MCC: variants seen among roughly 807,000 people sequenced by gnomAD.
The protein encoded by MCC is colorectal mutant cancer protein.
In MCC, 90 loss-of-function variants were observed where a neutral mutation model predicts 116.2. The observed-to-expected ratio is 0.77, with a 90% CI of 0.65 to 0.92. The LOEUF (loss-of-function observed/expected upper bound fraction) is 0.92, where lower values mean the gene tolerates loss of function less well. MCC is among the 40% of genes least tolerant of loss of function. MCC has a pLI of 0.00. For missense variants in MCC, 1,516 were observed against 1,312.2 expected (o/e 1.16, Z -2.40); for synonymous variants, 578 against 510.5 (o/e 1.13, Z -1.78).
chr5:113,338,687 G>T (rs778543955), intron 3 of MCC, among the ~76,000 whole-genome samples: 15 of 152,206 alleles, frequency 9.9e-5, no homozygotes, highest in Non-Finnish European at 2.1e-4. Flanking sequence ...TACAGAGGAG[G>T]GTTCAACTTG....
intron 5 of MCC, among the ~76,000 whole-genome samples, chr5:113,127,943 T>C (rs1422891406): frequency 6.6e-6 from 1 of 152,232 alleles, no homozygotes; most frequent in Non-Finnish European, 1.5e-5. Flanking sequence ...TGAAATTGCC[T>C]AGGTTGTCTC....
At chr5:113,086,242 C>G (rs932271443) in intron 8 of MCC, among the ~76,000 whole-genome samples, 11 of 152,106 alleles carry the variant, frequency 7.2e-5, no homozygotes, top group African/African-American at 2.7e-4. Flanking sequence ...TGAATGAAGA[C>G]AGTGGTACTT....
At chr5:113,383,232 T>C (rs1769168241) in intron 2 of MCC, among the ~76,000 whole-genome samples, 1 of 152,210 alleles carries the variant, frequency 6.6e-6, no homozygotes, top group Non-Finnish European at 1.5e-5. Flanking sequence ...TTGGTTGGGG[T>C]GTTCCACAAT....
At chr5:113,195,148 A>G (rs1003313708) in intron 3 of MCC, among the ~76,000 whole-genome samples, 3 of 152,216 alleles carry the variant, frequency 2.0e-5, no homozygotes, top group Non-Finnish European at 4.4e-5. Context: ...AAGACCACAC[A>G]CAGATCACAC....
chr5:113,409,829 C>T (rs1769931339), intron 1 of MCC, among the ~76,000 whole-genome samples: 1 of 152,172 alleles, frequency 6.6e-6, no homozygotes, highest in Non-Finnish European at 1.5e-5. Flanking sequence ...CCTTCCTAGA[C>T]TCGAGACTAC....
At chr5:113,157,394 T>C (rs1712442216) in intron 3 of MCC, among the ~76,000 whole-genome samples, 2 of 152,216 alleles carry the variant, frequency 1.3e-5, no homozygotes, top group South Asian at 4.1e-4. Context: ...AGATTCATCT[T>C]TGTGGGACTT....
intron 1 of MCC, among the ~76,000 whole-genome samples, chr5:113,474,621 A>G (rs1321585378): frequency 6.6e-6 from 1 of 152,232 alleles, no homozygotes; most frequent in Non-Finnish European, 1.5e-5. Flanking sequence ...TCTGTGTTAT[A>G]GAAAAATGAC....
chr5:113,416,116 C>T (rs917696796), intron 1 of MCC, among the ~76,000 whole-genome samples: 3 of 152,164 alleles, frequency 2.0e-5, no homozygotes, highest in African/African-American at 4.8e-5. Flanking sequence ...GTTGGAAATG[C>T]AGAAATCACC....
At chr5:113,329,392 AC>A in intron 3 of MCC, among the ~76,000 whole-genome samples, 1 of 152,052 alleles carries the variant, frequency 6.6e-6, no homozygotes, top group Non-Finnish European at 1.5e-5. Flanking sequence ...ATACACACAC[AC>A]ACACACACAG....
At chr5:113,264,469 T>C (rs925311380) in intron 3 of MCC, among the ~76,000 whole-genome samples, 3 of 152,144 alleles carry the variant, frequency 2.0e-5, no homozygotes, top group Non-Finnish European at 4.4e-5. Flanking sequence ...AGAGGTCTTG[T>C]GGGATTAATG....
At chr5:113,404,849 T>C (rs1181257486) in intron 1 of MCC, among the ~76,000 whole-genome samples, 2 of 151,876 alleles carry the variant, frequency 1.3e-5, no homozygotes, top group African/African-American at 4.8e-5. Flanking sequence ...TCAGTGCGTG[T>C]CATACAATGA....
At chr5:113,265,937 T>C (rs1260989761) in intron 3 of MCC, among the ~76,000 whole-genome samples, 1 of 151,560 alleles carries the variant, frequency 6.6e-6, no homozygotes, top group African/African-American at 2.4e-5. Flanking sequence ...GACAATACCT[T>C]AAATATCCAC....
rs1313857829 is a variant in MCC at position 113,053,863 on chromosome 5, C to A, written c.2310G>T (p.Arg770Ser). ...CCAGCATGGTCAGCTTGACCGCAGC[C>A]CTGTCATTCTTGAGCTGCTGGATAT... Reference protein sequence around the residue: ...KDYIQQLKNDRAAVKLTMLEL... With the variant: ...KDYIQQLKNDSAAVKLTMLEL... Residue 770 changes from arginine (R) to serine (S), a missense_variant, in exon 15 of 19, where the codon AGG (arginine) becomes AGT (serine). Physicochemically the swap from Arg to Ser is moderately radical, Grantham distance 110. Coordinates refer to ENST00000408903, the MANE Select transcript of MCC (RefSeq NM_001085377.2). The A allele has an allele frequency of 1.4e-5, 22 of 1,613,958 alleles. No homozygotes were observed. The highest frequency in any genetic ancestry group is 1.8e-5 in the Non-Finnish European group (21 of 1,180,020).
chr5:113,418,101 A>G lies in MCC; in HGVS notation c.171-32889T>C, dbSNP rs541340763. 3.9e-5 allele frequency among the ~76,000 whole-genome samples: 6 copies of G among 152,070 alleles called. No homozygotes were observed. In the East Asian group the frequency reaches 1.2e-3, roughly 29 times the overall value. ...TTGGAGATACAGCATCTAAAGCTAC[A>G]TGTTGGATTTGTCTAAGGCCTACTT... On this transcript the variant is annotated intron_variant, in intron 1 of 18. Coordinates refer to ENST00000408903, the MANE Select transcript of MCC (RefSeq NM_001085377.2).
chr5:113,047,451 G>A (rs544712836), intron 16 of MCC, among the ~76,000 whole-genome samples: 3 of 152,226 alleles, frequency 2.0e-5, no homozygotes, highest in African/African-American at 7.2e-5. Flanking sequence ...CAAGTGGGAG[G>A]TGGAGAAGGG....
chr5:113,249,561 T>C (rs1055322784), intron 3 of MCC, among the ~76,000 whole-genome samples: 5 of 152,168 alleles, frequency 3.3e-5, no homozygotes, highest in African/African-American at 1.2e-4. Context: ...TGCTGTTCCA[T>C]TAGTTAATAT....
chr5:113,033,722 C>T (rs2150208944), intron 17 of MCC, among the ~76,000 whole-genome samples: 1 of 152,298 alleles, frequency 6.6e-6, no homozygotes, highest in South Asian at 2.1e-4. Flanking sequence ...TTGGCACTCA[C>T]AAATATACCC....
At chr5:113,457,286 C>T (rs978923687) in intron 1 of MCC, among the ~76,000 whole-genome samples, 5 of 152,244 alleles carry the variant, frequency 3.3e-5, no homozygotes, top group East Asian at 3.8e-4. Context: ...ACTTAGCACC[C>T]GGGCCAGCGG....
chr5:113,369,342 A>G (rs1351812533), intron 2 of MCC, among the ~76,000 whole-genome samples: 3 of 151,948 alleles, frequency 2.0e-5, no homozygotes, highest in African/African-American at 7.3e-5. Context: ...AATACCTCAC[A>G]TTTGGAGATT....
Sources: gnomAD v4.1 joint callset for allele counts (sites outside exome capture counted in the v4.1 genomes callset) on GRCh38, gnomAD v4.1.1 for gene constraint, MANE v1.5 for transcripts, NCBI Gene and HGNC (gene_info 2026-07-23, HGNC 2026-07-21) for gene names.